Variants in TMEM64 observed in about 807,000 individuals in gnomAD.
TMEM64 encodes transmembrane protein 64.
In TMEM64, 19 loss-of-function variants were observed where a neutral mutation model predicts 24.5. That is an observed-to-expected ratio of 0.78 (90% CI 0.54 to 1.14). The LOEUF (loss-of-function observed/expected upper bound fraction) is 1.14, where lower values mean the gene tolerates loss of function less well. Ranked by LOEUF, TMEM64 falls within the 50% of genes most tolerant of loss-of-function variation. The pLI is 0.00. For missense variants in TMEM64, 487 were observed against 493.0 expected (o/e 0.99, Z 0.12); for synonymous variants, 262 against 224.7 (o/e 1.17, Z -1.49).
At chr8:90,642,445 A>G (rs1372451827) in intron 1 of TMEM64, among the ~76,000 whole-genome samples, 1 of 152,084 alleles carries the variant, frequency 6.6e-6, no homozygotes, top group African/African-American at 2.4e-5. Context: ...GGATGATTTC[A>G]AAGATAGGGA....
chr8:90,635,878 C>T (rs1210941655), intron 1 of TMEM64, among the ~76,000 whole-genome samples: 2 of 152,162 alleles, frequency 1.3e-5, no homozygotes, highest in African/African-American at 4.8e-5. Flanking sequence ...ACAACCTTTA[C>T]CTTTAAATGT....
At chr8:90,636,506 G>A (rs369918298) in intron 1 of TMEM64, among the ~76,000 whole-genome samples, 3 of 152,228 alleles carry the variant, frequency 2.0e-5, no homozygotes, top group Middle Eastern at 3.4e-3. Flanking sequence ...TGCCTGCGTC[G>A]GCCTCCCAAA....
chr8:90,645,760 C>A lies in TMEM64; in HGVS notation c.146G>T (p.Gly49Val), dbSNP rs1323879952. 2.8e-6 allele frequency: 3 copies of A among 1,060,410 alleles called. No individual in the cohort carries two copies. The Admixed American group carries it at 1.6e-4, about 58-fold the overall frequency. The allele number at this position is 1,060,410 out of a possible 1,614,324, so 65.7% of individuals were successfully genotyped here. A position where few individuals can be genotyped will look rare whatever the true frequency, so the allele number is the denominator to read the frequency against. The change falls in exon 1 of 3, where the codon GGG becomes GTG. Residue 49 changes from glycine to valine, a missense_variant. Gly to Val is a moderately radical substitution (Grantham distance 109). Transcript: ENST00000458549. This position sits in a 1 kb window ranked among gnomAD's most constrained non-coding sequence, Gnocchi z 4.2. ...TGCCGCCGCCGCGCTCGCCCCGCCC[C>A]CGCGGGGAAGGCGGTCCGCCGGGCC... ...GDGPADRLPR[G>V]GGASAAAAAA... is the part of the protein sequence containing the mutation.
chr8:90,635,565 T>C (rs1029518073), intron 1 of TMEM64, among the ~76,000 whole-genome samples: 20 of 151,926 alleles, frequency 1.3e-4, no homozygotes, highest in Admixed American at 5.2e-4. Flanking sequence ...GGGTGATACT[T>C]GTTGGGGCCT....
At chr8:90,635,884 A>C (rs1311173302) in intron 1 of TMEM64, among the ~76,000 whole-genome samples, 3 of 152,212 alleles carry the variant, frequency 2.0e-5, no homozygotes, top group Non-Finnish European at 4.4e-5. Context: ...TTTACCTTTA[A>C]ATGTAATGAA....
rs780228574 is a variant in TMEM64, at chr8:90,645,651, G to T, written c.255C>A (p.Gly85=). ...PPEASELPEP[G]GALAGGPGSG... ...TCCCGGGGCCGCCCGCCAAGGCCCC[G>T]CCCGGCTCCGGCAGCTCCGAAGCCT... The change falls in exon 1 of 3, where the codon GGC becomes GGA. Residue 85 remains glycine (G), a synonymous_variant. Coordinates refer to ENST00000458549, the MANE Select transcript of TMEM64 (RefSeq NM_001008495.4). This position sits in a 1 kb window ranked among gnomAD's most constrained non-coding sequence, Gnocchi z 4.2. 1 of 1,529,532 alleles carries T rather than the reference G, an allele frequency of 6.5e-7. No homozygotes were observed. Among genetic ancestry groups the T allele is most frequent in the Admixed American group, 2.0e-5 (1 of 50,472 alleles). The allele number at this position is 1,529,532 out of a possible 1,614,324, so 94.7% of individuals were successfully genotyped here. A position where few individuals can be genotyped will look rare whatever the true frequency, so the allele number is the denominator to read the frequency against.
At chr8:90,630,483 T>A (rs999546447) in intron 2 of TMEM64, among the ~76,000 whole-genome samples, 3 of 152,312 alleles carry the variant, frequency 2.0e-5, no homozygotes, top group Non-Finnish European at 2.9e-5. Flanking sequence ...GCTCTACCAC[T>A]TATTAGTCGG....
chr8:90,634,568 T>G (rs1273694965), intron 1 of TMEM64, among the ~76,000 whole-genome samples: 1 of 152,224 alleles, frequency 6.6e-6, no homozygotes, highest in Non-Finnish European at 1.5e-5. Flanking sequence ...CAAATTAATC[T>G]GGATAGACCT....
chr8:90,636,750 G>C (rs1054879330), intron 1 of TMEM64, among the ~76,000 whole-genome samples: 1 of 152,126 alleles, frequency 6.6e-6, no homozygotes, highest in African/African-American at 2.4e-5. Flanking sequence ...TTAAACATGA[G>C]CCTAGATCAA....
intron 1 of TMEM64, among the ~76,000 whole-genome samples, chr8:90,637,678 A>G (rs1206398320): frequency 3.3e-5 from 5 of 152,200 alleles, no homozygotes; most frequent in African/African-American, 1.2e-4. Context: ...AAGAGAAATT[A>G]AAATGACCAG....
chr8:90,636,882 G>A (rs1809526433), intron 1 of TMEM64, among the ~76,000 whole-genome samples: 1 of 152,146 alleles, frequency 6.6e-6, no homozygotes. Flanking sequence ...TAGTTTCTAT[G>A]ATGAGATACC....
intron 1 of TMEM64, among the ~76,000 whole-genome samples, chr8:90,640,281 A>T (rs951265354): frequency 1.3e-5 from 2 of 152,212 alleles, no homozygotes; most frequent in Admixed American, 6.5e-5. Context: ...ATGACCGATC[A>T]TATCTTTTTT....
intron 2 of TMEM64, among the ~76,000 whole-genome samples, chr8:90,627,362 T>C (rs1227619904): frequency 2.0e-5 from 3 of 152,030 alleles, no homozygotes; most frequent in African/African-American, 7.3e-5. Context: ...TGTAACTGTT[T>C]TCTGTTACTT....
chr8:90,631,808 G>A, intron 1 of TMEM64, 101 bp from the exon 2 acceptor site: 1 of 949,006 alleles, frequency 1.1e-6, no homozygotes, highest in Non-Finnish European at 1.6e-6. Context: ...ATTTCCTCGG[G>A]AAGGAGCTGA....
intron 2 of TMEM64, among the ~76,000 whole-genome samples, chr8:90,627,382 G>GA (rs1393823962): frequency 7.7e-6 from 1 of 130,596 alleles, no homozygotes; most frequent in Non-Finnish European, 1.5e-5. Flanking sequence ...TCTCTTAAAA[G>GA]AAACAAGATA....
chr8:90,645,603 G>T lies in TMEM64; in HGVS notation c.303C>A (p.Val101=), dbSNP rs1390380125. 1 of 1,536,998 alleles carries T rather than the reference G, an allele frequency of 6.5e-7. No homozygotes were observed. The highest frequency in any genetic ancestry group is 8.7e-7 in the Non-Finnish European group (1 of 1,145,238). The change falls in exon 1 of 3, where the codon GTC becomes GTA. Residue 101 remains valine (V), a synonymous_variant. Transcript: ENST00000458549. The surrounding 1 kb of genome is among the most constrained non-coding windows in gnomAD (Gnocchi z 4.2). ...GCCAGTTTCTCACCTCAGCCACGCC[G>T]ACCACCACGCCGCCGCCGCCACTCC... ...GPGSGGGGVV[V]GVAEVRNWRC...
At chr8:90,635,556 G>T (rs966416440) in intron 1 of TMEM64, among the ~76,000 whole-genome samples, 3 of 151,918 alleles carry the variant, frequency 2.0e-5, no homozygotes, top group Non-Finnish European at 4.4e-5. Context: ...AACTACATGG[G>T]GTGATACTTG....
In TMEM64 at chr8:90,624,808, A is replaced by G. The variant is rs1428054607; in HGVS notation, c.*863T>C. The G allele has an allele frequency of 6.6e-6, 1 of 152,592 alleles. No homozygotes were observed. Among genetic ancestry groups the G allele is most frequent in the Non-Finnish European group, 1.5e-5 (1 of 67,984 alleles). The allele number at this position is 152,592 out of a possible 1,614,324, so 9.5% of individuals were successfully genotyped here. Reference sequence around the variant, plus strand: ...ATGGTAAGCCCACCATTTTAAAGGAATAACATCTTTATTTAAAAGCCTAAT... The same window carrying G: ...ATGGTAAGCCCACCATTTTAAAGGAGTAACATCTTTATTTAAAAGCCTAAT... On this transcript the variant is annotated 3_prime_UTR_variant, in exon 3 of 3. Transcript: ENST00000458549.
chr8:90,631,596 T>C lies in TMEM64; in HGVS notation c.907A>G (p.Ile303Val). 2 of 1,613,414 alleles carry C rather than the reference T, an allele frequency of 1.2e-6. No individual in the cohort carries two copies. Among genetic ancestry groups the C allele is most frequent in the South Asian group, 2.2e-5 (2 of 91,016 alleles). ...TATCCACTAACACTCTGTTCTGCAA[T>C]GACATCTTCCATTGTCCGCAGGGTG... ...GTTLRTMEDV[I>V]AEQSVSGYFV... The change falls in exon 2 of 3, where the codon ATT (isoleucine) becomes GTT (valine). Residue 303 changes from isoleucine to valine, a missense_variant. This residue lies in a region of TMEM64 where 419 missense variants were observed against 407.5 expected (regional missense o/e 1.03). Transcript: ENST00000458549.
Sources: gnomAD v4.1 joint callset for allele counts (sites outside exome capture counted in the v4.1 genomes callset) on GRCh38, gnomAD v4.1.1 for gene constraint, gnomAD v4.1.1 regional missense constraint, Gnocchi (gnomAD v3.1) non-coding constraint, MANE v1.5 for transcripts, NCBI Gene and HGNC (gene_info 2026-07-23, HGNC 2026-07-21) for gene names.